Variants in CPXM2 observed in about 807,000 individuals in gnomAD.
CPXM2 encodes the protein carboxypeptidase X, M14 family member 2.
A neutral mutation model predicts 86.1 loss-of-function variants in CPXM2; 66 were observed. The ratio of observed to expected loss-of-function variants is 0.77; its 90% confidence interval spans 0.63 to 0.94. The LOEUF (loss-of-function observed/expected upper bound fraction) is 0.94, where lower values mean the gene tolerates loss of function less well. Among genes scored for constraint, CPXM2 ranks in the 40% least tolerant of loss-of-function variants. CPXM2 has a pLI of 0.00. For synonymous variants in CPXM2, 388 were observed against 400.2 expected (o/e 0.97, Z 0.36); for missense variants, 948 against 1,026.3 (o/e 0.92, Z 1.04).
At chr10:123,888,176 C>G (rs960852065) in intron 1 of CPXM2, among the ~76,000 whole-genome samples, 16 of 152,326 alleles carry the variant, frequency 1.1e-4, no homozygotes, top group African/African-American at 3.9e-4. Context: ...ACAGGGCTCC[C>G]TCCTAGGGCC....
chr10:123,811,514 A>C (rs927213228), intron 4 of CPXM2, among the ~76,000 whole-genome samples: 1 of 152,372 alleles, frequency 6.6e-6, no homozygotes, highest in African/African-American at 2.4e-5. Flanking sequence ...TAGAAGAATA[A>C]GTTCATAACC....
intron 3 of CPXM2, among the ~76,000 whole-genome samples, chr10:123,859,735 T>A (rs112948597): frequency 6.6e-6 from 1 of 152,220 alleles, no homozygotes; most frequent in Non-Finnish European, 1.5e-5. Flanking sequence ...GTGATCCCCA[T>A]GCACGGCCTC....
intron 2 of CPXM2, among the ~76,000 whole-genome samples, chr10:123,915,293 C>T (rs770382091): frequency 2.6e-5 from 4 of 152,210 alleles, no homozygotes; most frequent in Non-Finnish European, 4.4e-5. Flanking sequence ...TGCGGTGGCT[C>T]ATAGCTGTAA....
intron 6 of CPXM2, among the ~76,000 whole-genome samples, chr10:123,795,008 G>A (rs4980164): frequency 0.28 from 42,896 of 152,104 alleles, 6,555 homozygotes; most frequent in East Asian, 0.5. Flanking sequence ...GACCTCAAGT[G>A]ATCCACCTGC....
At chr10:123,876,550 T>C (rs928541930) in intron 2 of CPXM2, among the ~76,000 whole-genome samples, 5 of 152,200 alleles carry the variant, frequency 3.3e-5, no homozygotes, top group African/African-American at 1.2e-4. Context: ...ATAGCCCATG[T>C]AAAGGTCAAA....
At chr10:123,773,836 G>T (rs951300451) in intron 7 of CPXM2, among the ~76,000 whole-genome samples, 3 of 152,164 alleles carry the variant, frequency 2.0e-5, no homozygotes, top group Non-Finnish European at 4.4e-5. Context: ...GATAGCTGAG[G>T]TCTGGGAAAA....
At chr10:123,914,204 A>G (rs1945515422) in intron 2 of CPXM2, 4 of 407,856 alleles carry the variant, frequency 9.8e-6, no homozygotes, top group South Asian at 1.8e-5. Flanking sequence ...GAAGCTAACC[A>G]TGAGTCTACT....
chr10:123,807,390 T>A (rs919233227), intron 4 of CPXM2, among the ~76,000 whole-genome samples: 4 of 152,218 alleles, frequency 2.6e-5, no homozygotes, highest in African/African-American at 4.8e-5. Flanking sequence ...ATCTGTATGA[T>A]GTTGTGGGAG....
chr10:123,775,805 TG>T (rs1004599635), intron 7 of CPXM2, among the ~76,000 whole-genome samples: 1 of 152,190 alleles, frequency 6.6e-6, no homozygotes, highest in Non-Finnish European at 1.5e-5. Context: ...CCCTCTGCAA[TG>T]CCAGGAAGCA....
chr10:123,825,977 G>A (rs1848036836), intron 4 of CPXM2, among the ~76,000 whole-genome samples: 1 of 152,266 alleles, frequency 6.6e-6, no homozygotes, highest in African/African-American at 2.4e-5. Flanking sequence ...AACATCTCCT[G>A]TCATAATCAC....
intron 2 of CPXM2, among the ~76,000 whole-genome samples, chr10:123,929,070 A>G (rs1399435885): frequency 6.6e-6 from 1 of 152,210 alleles, no homozygotes; most frequent in Non-Finnish European, 1.5e-5. Context: ...ATCCTGGAGA[A>G]GCCAGCAGGT....
At chr10:123,908,698 G>A (rs1036538333) in intron 2 of CPXM2, among the ~76,000 whole-genome samples, 8 of 152,180 alleles carry the variant, frequency 5.3e-5, no homozygotes, top group Non-Finnish European at 1.5e-5. Context: ...AGAACAGCTG[G>A]AGGTGGGCAG....
At chr10:123,825,272 G>T (rs1211813404) in intron 4 of CPXM2, among the ~76,000 whole-genome samples, 5 of 152,076 alleles carry the variant, frequency 3.3e-5, no homozygotes, top group African/African-American at 9.7e-5. Flanking sequence ...TGAAATGCCC[G>T]TATATAAGGC....
At chr10:123,882,030 A>G (rs1211841791) in intron 1 of CPXM2, among the ~76,000 whole-genome samples, 1 of 152,238 alleles carries the variant, frequency 6.6e-6, no homozygotes, top group East Asian at 1.9e-4. Flanking sequence ...TGAAATACCA[A>G]AATTAGCTGG....
intron 6 of CPXM2, among the ~76,000 whole-genome samples, chr10:123,782,064 T>C (rs1293234688): frequency 1.3e-5 from 2 of 152,320 alleles, no homozygotes; most frequent in African/African-American, 4.8e-5. Flanking sequence ...AGGGAAATAA[T>C]GTAGGAGTGC....
At chr10:123,823,751 AGAT>A (rs1054267898) in intron 4 of CPXM2, among the ~76,000 whole-genome samples, 4 of 152,196 alleles carry the variant, frequency 2.6e-5, no homozygotes, top group Non-Finnish European at 5.9e-5. Flanking sequence ...GAATGTCAGA[AGAT>A]GATAACTAAT....
chr10:123,836,696 C>T (rs182295923), intron 4 of CPXM2, among the ~76,000 whole-genome samples: 98 of 152,360 alleles, frequency 6.4e-4, no homozygotes, highest in Non-Finnish European at 9.6e-4. Flanking sequence ...CCACCTCCTA[C>T]TTCACCAAGA....
chr10:123,810,221 T>C (rs7079551), intron 4 of CPXM2, among the ~76,000 whole-genome samples: 14,090 of 151,898 alleles, frequency 0.093, 744 homozygotes, highest in African/African-American at 0.14. Flanking sequence ...ATGTACCTAA[T>C]ACAGGAGCTC....
At chr10:123,830,062 A>C (rs995936931) in intron 4 of CPXM2, among the ~76,000 whole-genome samples, 1 of 152,144 alleles carries the variant, frequency 6.6e-6, no homozygotes, top group South Asian at 2.1e-4. Flanking sequence ...CTAGAAGAAA[A>C]TATAAGGAAA....
Sources: allele counts gnomAD v4.1 joint callset (sites outside exome capture counted in the v4.1 genomes callset), GRCh38; gene constraint gnomAD v4.1.1; transcripts MANE v1.5; gene names NCBI Gene and HGNC (gene_info 2026-07-23, HGNC 2026-07-21).